The following SYTL5 variants were observed in gnomAD, a reference collection of about 807,000 sequenced individuals.
The protein encoded by SYTL5 is synaptotagmin-like protein 5.
A neutral mutation model predicts 55.9 loss-of-function variants in SYTL5; 34 were observed. That is an observed-to-expected ratio of 0.61 (90% CI 0.46 to 0.81). The LOEUF is 0.81. Ranked by LOEUF, SYTL5 falls within the 30% of genes least tolerant of loss-of-function variation. The pLI, the probability that SYTL5 is intolerant of heterozygous loss-of-function variation, is 0.00. For synonymous variants in SYTL5, 221 were observed against 188.7 expected (o/e 1.17, Z -1.40); for missense variants, 637 against 546.7 (o/e 1.17, Z -1.65).
Position 38,112,015 on chromosome X carries a change from A to G in SYTL5, c.1596+1533A>G, listed in dbSNP as rs995016439. ...CACAGTAATCACTTCCACATTGTCA[A>G]TGAGTGGTTCACAGTCTATCATAAG... On this transcript the variant is annotated intron_variant, in intron 13 of 16. Coordinates refer to ENST00000297875, the MANE Select transcript of SYTL5 (RefSeq NM_138780.3). Among the ~76,000 whole-genome samples, 25 of 111,772 alleles carry G rather than the reference A, an allele frequency of 2.2e-4. No homozygotes were observed. The East Asian group carries it at 3.1e-3, about 14-fold the overall frequency.
At chrX:38,119,544 T>A (rs186402971) in intron 13 of SYTL5, among the ~76,000 whole-genome samples, 73 of 112,778 alleles carry the variant, frequency 6.5e-4, no homozygotes, top group African/African-American at 2.0e-3. Flanking sequence ...TAGTATTCCA[T>A]CGTATGAATG....
At chrX:38,082,602 A>C (rs2094460531) in intron 6 of SYTL5, among the ~76,000 whole-genome samples, 1 of 112,593 alleles carries the variant, frequency 8.9e-6, no homozygotes, top group African/African-American at 3.2e-5. Context: ...CTAAACAAAT[A>C]ATTTAAATAC....
chrX:38,104,802 T>C (rs771641562), intron 10 of SYTL5, among the ~76,000 whole-genome samples: 7 of 111,974 alleles, frequency 6.3e-5, no homozygotes, highest in African/African-American at 2.3e-4. Flanking sequence ...GTTACTGAGA[T>C]ACATAGTTTT....
chrX:37,996,962 A>G, the SYTL5 span, among the ~76,000 whole-genome samples: 5 of 112,554 alleles, frequency 4.4e-5, no homozygotes, highest in Admixed American at 9.3e-5. Flanking sequence ...TAGAACTACA[A>G]TGCTGTTTTT....
In SYTL5 at chrX:38,126,769, T is replaced by A; in HGVS notation, c.*39T>A. The A allele has an allele frequency of 8.6e-7, 1 of 1,165,304 alleles. No homozygotes were observed. Among genetic ancestry groups the A allele is most frequent in the Non-Finnish European group, 1.2e-6 (1 of 868,550 alleles). ...CCAAGAATGAGGCCACCAGGACCTA[T>A]CTGGCTGTCTTTTCCTACCATTAGC... On this transcript the variant is annotated 3_prime_UTR_variant, in exon 17 of 17. Coordinates refer to ENST00000297875, the MANE Select transcript of SYTL5 (RefSeq NM_138780.3).
chrX:38,106,532 G>A, intron 10 of SYTL5, 61 bp from the exon 11 acceptor site: 1 of 995,754 alleles, frequency 1.0e-6, no homozygotes. Context: ...GAAATGAGTT[G>A]ATTCTGTGAA....
the SYTL5 span, among the ~76,000 whole-genome samples, chrX:37,965,781 G>A: frequency 9.0e-6 from 1 of 111,664 alleles, no homozygotes; most frequent in Non-Finnish European, 1.9e-5. Context: ...TTATATTTAG[G>A]AGCTCTGATG....
chrX:37,969,663 T>C, the SYTL5 span, among the ~76,000 whole-genome samples: 2 of 112,052 alleles, frequency 1.8e-5, no homozygotes, highest in African/African-American at 6.5e-5. Context: ...GACCGAGTCT[T>C]GCTCTGTCGC....
Position 38,120,482 on chromosome X carries a change from A to G in SYTL5, c.1705+16A>G, listed in dbSNP as rs760828641. The stretch of plus-strand genomic sequence containing the variant: ...CAACTCCAAGGTAGAGTAAAAATCA[A>G]TGACTTTGATCAATGACATTCTGTT... On this transcript the variant is annotated intron_variant, in intron 14 of 16. Transcript: ENST00000297875. 57 of 1,114,079 alleles carry G rather than the reference A, an allele frequency of 5.1e-5. No homozygotes were observed. In the East Asian group the frequency reaches 6.6e-4, roughly 13 times the overall value. The allele number at this position is 1,114,079 out of a possible 1,213,427, so 91.8% of individuals were successfully genotyped here.
chrX:37,932,565 T>C, the SYTL5 span, among the ~76,000 whole-genome samples: 1 of 112,064 alleles, frequency 8.9e-6, no homozygotes, highest in African/African-American at 3.2e-5. Context: ...GGTGTTGGAA[T>C]AGCAGTAATG....
the SYTL5 span, among the ~76,000 whole-genome samples, chrX:37,890,172 A>G: frequency 9.1e-6 from 1 of 110,187 alleles, no homozygotes; most frequent in African/African-American, 3.3e-5. Context: ...GGTCTGAAGA[A>G]ACTCCCCAGG....
intron 2 of SYTL5, among the ~76,000 whole-genome samples, chrX:38,048,407 A>T (rs747713278): frequency 9.1e-6 from 1 of 109,424 alleles, no homozygotes; most frequent in African/African-American, 3.3e-5. Context: ...CCCCAGTTTC[A>T]AAGTTGCTTC....
At chrX:38,073,834 T>A (rs1007090432) in intron 5 of SYTL5, 136 bp downstream of exon 5, 1 of 407,438 alleles carries the variant, frequency 2.5e-6, no homozygotes, top group African/African-American at 2.6e-5. Flanking sequence ...AGTAACACTT[T>A]CTTATCATTC....
rs1178332522 is a variant in SYTL5 at position 38,072,120 on chromosome X, G to A, written c.403G>A (p.Gly135Ser). 9.9e-6 allele frequency: 12 copies of A among 1,208,554 alleles called. No homozygotes were observed. Among genetic ancestry groups the A allele is most frequent in the East Asian group, 3.0e-5 (1 of 33,731 alleles). The change falls in exon 4 of 17, where the codon GGC (glycine) becomes AGC (serine). Residue 135 changes from glycine (G) to serine (S), a missense_variant. Physicochemically the swap from Gly to Ser is moderately conservative, Grantham distance 56 (BLOSUM62 0). Coordinates refer to ENST00000297875, the MANE Select transcript of SYTL5 (RefSeq NM_138780.3). ...AKRFKQVNVL[G>S]TDVVRQSILR... The stretch of plus-strand genomic sequence containing the variant: ...ACGTTTCAAGCAAGTCAATGTTCTC[G>A]GCACTGATGTTGTCCGACAGTCCAT...
At chrX:38,110,602 A>G in intron 13 of SYTL5, 120 bp downstream of exon 13, 5 of 533,834 alleles carry the variant, frequency 9.4e-6, no homozygotes, top group Non-Finnish European at 1.4e-5. Flanking sequence ...GCAAAAAATT[A>G]GTGCAGCAAA....
At chrX:38,062,530 A>G (rs1398332456) in intron 3 of SYTL5, among the ~76,000 whole-genome samples, 1 of 111,851 alleles carries the variant, frequency 8.9e-6, no homozygotes, top group Non-Finnish European at 1.9e-5. Context: ...GAACATACAC[A>G]GAGTGCAGAA....
At chrX:38,020,420 T>C (rs913505296) in intron 1 of SYTL5, among the ~76,000 whole-genome samples, 7 of 84,118 alleles carry the variant, frequency 8.3e-5, no homozygotes, top group Admixed American at 2.6e-4. Context: ...TATATATATA[T>C]ATATATATAT....
chrX:37,950,872 A>C, the SYTL5 span, among the ~76,000 whole-genome samples: 2 of 111,293 alleles, frequency 1.8e-5, no homozygotes, highest in South Asian at 7.5e-4. Flanking sequence ...GAAGTTTTTC[A>C]ATTGTTAATC....
chrX:38,041,521 C>T (rs770426010), intron 2 of SYTL5, among the ~76,000 whole-genome samples: 1 of 111,919 alleles, frequency 8.9e-6, no homozygotes, highest in East Asian at 2.8e-4. Context: ...ACAGAAACTC[C>T]CAGCATGAAC....
Sources: gnomAD v4.1 joint callset for allele counts (sites outside exome capture counted in the v4.1 genomes callset) on GRCh38, gnomAD v4.1.1 for gene constraint, MANE v1.5 for transcripts, NCBI Gene and HGNC (gene_info 2026-07-23, HGNC 2026-07-21) for gene names.